The following MAGI2 variants were observed in gnomAD, a reference collection of about 807,000 sequenced individuals.
The protein encoded by MAGI2 is membrane-associated guanylate kinase, WW and PDZ domain-containing protein 2.
In MAGI2, 35 loss-of-function variants were observed where a neutral mutation model predicts 133.3. The ratio of observed to expected loss-of-function variants is 0.26; its 90% confidence interval spans 0.20 to 0.35. The LOEUF is 0.35. Ranked by LOEUF, MAGI2 falls within the 10% of genes least tolerant of loss-of-function variation. MAGI2 has a pLI of 1.00. For synonymous variants in MAGI2, 729 were observed against 710.6 expected (o/e 1.03, Z -0.41); for missense variants, 1,636 against 1,863.4 (o/e 0.88, Z 2.25).
chr7:78,797,744 A>G (rs1213372689), intron 2 of MAGI2, among the ~76,000 whole-genome samples: 1 of 152,164 alleles, frequency 6.6e-6, no homozygotes, highest in Non-Finnish European at 1.5e-5. Context: ...CAAAGTTCTA[A>G]GGAGACAACT....
chr7:78,132,553 A>G (rs1399267432), intron 18 of MAGI2, among the ~76,000 whole-genome samples: 1 of 152,238 alleles, frequency 6.6e-6, no homozygotes, highest in East Asian at 1.9e-4. Context: ...TCCATCGTGC[A>G]TACTGCAGGC....
chr7:78,400,013 T>G (rs1300828585), intron 6 of MAGI2, among the ~76,000 whole-genome samples: 3 of 152,150 alleles, frequency 2.0e-5, no homozygotes. Flanking sequence ...AGTTTTTCTC[T>G]TCTAAGTAAA....
chr7:79,095,796 A>C lies in MAGI2; in HGVS notation c.302-88590T>G, dbSNP rs75410769. Among the ~76,000 whole-genome samples, 52 of 152,332 alleles carry C rather than the reference A, an allele frequency of 3.4e-4. No homozygotes were observed. The East Asian group carries it at 6.2e-3, about 18-fold the overall frequency. On this transcript the variant is annotated intron_variant, in intron 1 of 21. Coordinates refer to ENST00000354212, the MANE Select transcript of MAGI2 (RefSeq NM_012301.4). The stretch of plus-strand genomic sequence containing the variant: ...CATAATCGATATGAAAATAATAAAA[A>C]AGTTTGAAATATTGTGATAATTACC...
chr7:78,445,740 T>C (rs982532597), intron 6 of MAGI2, among the ~76,000 whole-genome samples: 1 of 152,038 alleles, frequency 6.6e-6, no homozygotes, highest in African/African-American at 2.4e-5. Flanking sequence ...TCTTTTTATT[T>C]GTAAGCTTAA....
chr7:78,061,141 G>T (rs566235127), intron 21 of MAGI2, among the ~76,000 whole-genome samples: 3 of 148,032 alleles, frequency 2.0e-5, no homozygotes, highest in African/African-American at 5.0e-5. Flanking sequence ...TCCAGCCTGG[G>T]TGAAAGAGCA....
intron 1 of MAGI2, among the ~76,000 whole-genome samples, chr7:79,017,644 C>T (rs1303880257): frequency 6.6e-6 from 1 of 152,074 alleles, no homozygotes; most frequent in Non-Finnish European, 1.5e-5. Context: ...AGATTACTGA[C>T]ATATAGGAGA....
At chr7:78,756,576 G>T (rs1823970258) in intron 2 of MAGI2, among the ~76,000 whole-genome samples, 1 of 151,956 alleles carries the variant, frequency 6.6e-6, no homozygotes, top group Admixed American at 6.6e-5. Flanking sequence ...ACAAAATGAG[G>T]GTACTTTTTA....
intron 1 of MAGI2, among the ~76,000 whole-genome samples, chr7:79,441,344 T>C (rs1195304137): frequency 6.6e-6 from 1 of 152,206 alleles, no homozygotes; most frequent in African/African-American, 2.4e-5. Context: ...AGCATCTCCT[T>C]AGTCAATGTT....
chr7:78,608,762 T>C (rs1461864245), intron 3 of MAGI2, among the ~76,000 whole-genome samples: 1 of 152,198 alleles, frequency 6.6e-6, no homozygotes, highest in Non-Finnish European at 1.5e-5. Flanking sequence ...TAGAATCACA[T>C]AGTTACATGG....
chr7:78,534,546 T>G (rs1327852192), intron 3 of MAGI2, among the ~76,000 whole-genome samples: 1 of 152,238 alleles, frequency 6.6e-6, no homozygotes, highest in East Asian at 1.9e-4. Context: ...TTCTGCTGAT[T>G]AGCCAGATAA....
At chr7:79,396,077 T>C (rs1212003996) in intron 1 of MAGI2, among the ~76,000 whole-genome samples, 1 of 152,184 alleles carries the variant, frequency 6.6e-6, no homozygotes, top group Admixed American at 6.5e-5. Context: ...TGTTATCCCA[T>C]CATTTAGCCC....
intron 2 of MAGI2, among the ~76,000 whole-genome samples, chr7:78,845,092 C>T (rs1330495): frequency 0.29 from 43,596 of 151,688 alleles, 6,943 homozygotes; most frequent in East Asian, 0.51. Flanking sequence ...AACTGTTCCC[C>T]CTGGAAACTT....
chr7:78,343,971 CAATATAAGTTAAAAAAG>C lies in MAGI2; in HGVS notation c.1226-28_1226-12del, dbSNP rs780681273. The stretch of plus-strand genomic sequence containing the variant: ...TGAAGAGTGGTTTTTCTACATTGGC[CAATATAAGTTAAAAAAG>C]AAAAAGGCATGTTCAAGTCAAGTTC... On this transcript the variant is annotated splice_polypyrimidine_tract_variant and intron_variant, in intron 8 of 21. Transcript: ENST00000354212. 1.9e-6 allele frequency: 3 copies of C among 1,600,134 alleles called. No individual in the cohort carries two copies. In the Admixed American group the frequency reaches 5.3e-5, roughly 28 times the overall value.
intron 3 of MAGI2, chr7:78,617,800 T>C (rs1337299776): frequency 6.6e-6 from 1 of 152,032 alleles, no homozygotes; most frequent in Non-Finnish European, 1.5e-5. Context: ...CGTAACTTGG[T>C]TGGATATCAA....
chr7:79,453,191 G>T lies in MAGI2; in HGVS notation c.130C>A (p.Leu44Met). The change falls in exon 1 of 22, where the codon CTG becomes ATG. Residue 44 changes from leucine (L) to methionine (M), a missense_variant. Leu to Met is a conservative substitution (Grantham distance 15, BLOSUM62 2). Coordinates refer to ENST00000354212, the MANE Select transcript of MAGI2 (RefSeq NM_012301.4). ...ACCTTGCCGGGCTTCACCTCCCCCAGGTAGGGGAACTGTCCATTCTCGGCG... is the reference window on the plus strand; with the variant it reads ...ACCTTGCCGGGCTTCACCTCCCCCATGTAGGGGAACTGTCCATTCTCGGCG... Reference protein sequence around the residue: ...GGAENGQFPYLGEVKPGKVAY... With the variant: ...GGAENGQFPYMGEVKPGKVAY... 6.2e-7 allele frequency: 1 copy of T among 1,614,052 alleles called. No homozygotes were observed. The highest frequency in any genetic ancestry group is 8.5e-7 in the Non-Finnish European group (1 of 1,180,040).
At chr7:78,308,894 AATTC>A (rs1325208644) in intron 9 of MAGI2, among the ~76,000 whole-genome samples, 1 of 152,246 alleles carries the variant, frequency 6.6e-6, no homozygotes, top group African/African-American at 2.4e-5. Flanking sequence ...ATTCACTCAA[AATTC>A]ATTAACAGTA....
intron 1 of MAGI2, among the ~76,000 whole-genome samples, chr7:79,116,920 G>T (rs1392494659): frequency 6.6e-6 from 1 of 152,094 alleles, no homozygotes; most frequent in African/African-American, 2.4e-5. Flanking sequence ...TGTGCAGCCT[G>T]CAGAGCCATG....
At chr7:79,301,218 G>A (rs1216497583) in intron 1 of MAGI2, among the ~76,000 whole-genome samples, 1 of 152,224 alleles carries the variant, frequency 6.6e-6, no homozygotes, top group Non-Finnish European at 1.5e-5. Context: ...CTATCCTCCA[G>A]ATCTGAGAAT....
At chr7:78,295,742 C>A (rs1443463924) in intron 9 of MAGI2, among the ~76,000 whole-genome samples, 3 of 152,050 alleles carry the variant, frequency 2.0e-5, no homozygotes, top group African/African-American at 4.8e-5. Flanking sequence ...AGTAGCCCTC[C>A]CCTAAATAAG....
Sources: gnomAD v4.1 joint callset for allele counts (sites outside exome capture counted in the v4.1 genomes callset) on GRCh38, gnomAD v4.1.1 for gene constraint, MANE v1.5 for transcripts, NCBI Gene and HGNC (gene_info 2026-07-23, HGNC 2026-07-21) for gene names.